Variants in DUSP18 observed in about 807,000 individuals in gnomAD.
DUSP18 encodes the protein dual specificity protein phosphatase 18.
A neutral mutation model predicts 6.3 loss-of-function variants in DUSP18; 4 were observed. The ratio of observed to expected loss-of-function variants is 0.63; its 90% CI spans 0.31 to 1.45. DUSP18 has a LOEUF of 1.45. Among genes scored for constraint, DUSP18 ranks in the 40% most tolerant of loss-of-function variants. The probability of loss-of-function intolerance (pLI) is 0.07; values close to 1 mark genes in which losing one functional copy is unlikely to be tolerated. For missense variants in DUSP18, 235 were observed against 247.7 expected, an observed-to-expected ratio of 0.95 and a Z score of 0.34; for synonymous variants, 96 against 95.1, an observed-to-expected ratio of 1.01 and a Z score of -0.05.
In DUSP18 at chr22:30,653,467, G is replaced by A. The variant is rs1314744752; in HGVS notation, c.*34-1170C>T. On this transcript the variant is annotated intron_variant, in intron 2 of 2. Coordinates refer to the DUSP18 transcript ENST00000404885. ...GCTCACTGCAACCTCCGCCTCCTGG[G>A]TTCAAGCGATTCTCCTGCCTCAGCC... Among the ~76,000 whole-genome samples the A allele has an allele frequency of 2.0e-5, 3 of 151,952 alleles. No homozygotes were observed. In the East Asian group the frequency reaches 5.8e-4, roughly 29 times the overall value.
chr22:30,667,771 C>G lies in DUSP18; in HGVS notation c.-387G>C, dbSNP rs1255579174. The G allele has an allele frequency of 6.5e-6, 1 of 152,788 alleles. No individual in the cohort carries two copies. The highest frequency in any genetic ancestry group is 2.4e-5 in the African/African-American group (1 of 41,382). 9.5% of individuals were successfully genotyped at this position (152,788 alleles called of 1,614,324 possible). A position where few individuals can be genotyped will look rare whatever the true frequency, so the allele number is the denominator to read the frequency against. Reference sequence around the variant, plus strand: ...GAAGCAGGGTCAGCTCAGCTCACCGCACCCCACTCCATCCAGCCCTGCCCA... The same window carrying G: ...GAAGCAGGGTCAGCTCAGCTCACCGGACCCCACTCCATCCAGCCCTGCCCA... On this transcript the variant is annotated 5_prime_UTR_variant, in exon 1 of 2. Transcript: ENST00000334679.
downstream of DUSP18, among the ~76,000 whole-genome samples, chr22:30,661,100 CAA>C (rs779600333): frequency 6.6e-6 from 1 of 152,094 alleles, no homozygotes; most frequent in Non-Finnish European, 1.5e-5. Context: ...CTCGGCCTCC[CAA>C]AGTGTTGGGA....
At chr22:30,654,731 T>C in intron 2 of DUSP18, 1 of 293,948 alleles carries the variant, frequency 3.4e-6, no homozygotes, top group East Asian at 1.1e-4. Flanking sequence ...ACCACCACCT[T>C]CCGGCCTGCT....
At chr22:30,664,225 A>G in intron 1 of DUSP18, 145 bp from the exon 2 acceptor site, 1 of 566,754 alleles carries the variant, frequency 1.8e-6, no homozygotes, top group South Asian at 2.2e-5. Context: ...AAACTCATTT[A>G]AAGTACAGAT....
chr22:30,657,276 A>C (rs9609034), downstream of DUSP18, among the ~76,000 whole-genome samples: 21 of 14,180 alleles, frequency 1.5e-3, no homozygotes, highest in East Asian at 0.05. Context: ...CTCTACTAAA[A>C]ACACACACAC....
At chr22:30,660,013 T>C (rs937141777), downstream of DUSP18, among the ~76,000 whole-genome samples, 5 of 152,138 alleles carry the variant, frequency 3.3e-5, no homozygotes, top group Non-Finnish European at 7.4e-5. Flanking sequence ...GAAAACAGGG[T>C]CCTCTACCCT....
chr22:30,659,884 A>G (rs1431864714), downstream of DUSP18, among the ~76,000 whole-genome samples: 1 of 152,208 alleles, frequency 6.6e-6, no homozygotes, highest in African/African-American at 2.4e-5. Flanking sequence ...CAGAAGGAAA[A>G]GTTAGAAGTA....
At chr22:30,665,002 G>C (rs1357327272) in intron 1 of DUSP18, 1 of 152,762 alleles carries the variant, frequency 6.5e-6, no homozygotes. Context: ...TAGAGGTTCA[G>C]CCGCAGATCT....
downstream of DUSP18, chr22:30,661,438 CTTTT>C (rs1013948541): frequency 1.2e-3 from 144 of 117,784 alleles, no homozygotes; most frequent in African/African-American, 3.6e-3. Flanking sequence ...TTTTTCTTTT[CTTTT>C]TCTTTTTTTT....
intron 2 of DUSP18, chr22:30,652,347 G>A (rs904378944): frequency 6.6e-6 from 1 of 152,344 alleles, no homozygotes; most frequent in African/African-American, 2.4e-5. Flanking sequence ...GGGAAGGTCA[G>A]AATCTTGCAG....
intron 2 of DUSP18, among the ~76,000 whole-genome samples, chr22:30,653,031 T>C (rs1447757330): frequency 6.6e-6 from 1 of 151,962 alleles, no homozygotes. Flanking sequence ...AGCCTGGGAG[T>C]ATTCTGTTCT....
At chr22:30,653,484 G>C (rs1050933547) in intron 2 of DUSP18, among the ~76,000 whole-genome samples, 2 of 151,526 alleles carry the variant, frequency 1.3e-5, no homozygotes, top group South Asian at 2.1e-4. Flanking sequence ...CGATTCTCCT[G>C]CCTCAGCCTC....
downstream of DUSP18, among the ~76,000 whole-genome samples, chr22:30,656,950 A>G (rs2088349778): frequency 6.6e-6 from 1 of 152,090 alleles, no homozygotes. Flanking sequence ...CCCCATCTCT[A>G]TTTTGTATAA....
intron 1 of DUSP18, 108 bp downstream of exon 1, chr22:30,667,354 C>T (rs2088712447): frequency 6.6e-6 from 1 of 152,186 alleles, no homozygotes; most frequent in Non-Finnish European, 1.5e-5. Flanking sequence ...CAAGAGTTAA[C>T]GAGAGCGAAG....
At chr22:30,665,696 A>G (rs1006620429) in intron 1 of DUSP18, 9 of 342,566 alleles carry the variant, frequency 2.6e-5, no homozygotes, top group South Asian at 2.1e-4. Flanking sequence ...GATCTGTCTG[A>G]TTATTTGATT....
downstream of DUSP18, among the ~76,000 whole-genome samples, chr22:30,657,906 A>AAATAATAATAAT (rs56297954): frequency 7.7e-6 from 1 of 129,960 alleles, no homozygotes; most frequent in Non-Finnish European, 1.6e-5. Flanking sequence ...TCTGTCTCAA[A>AAATAATAATAAT]AATAATAATA....
At chr22:30,665,579 T>A (rs1569074332) in intron 1 of DUSP18, 1 of 470,162 alleles carries the variant, frequency 2.1e-6, no homozygotes. Context: ...TTAAGGGAAA[T>A]CTCCTTAGAT....
chr22:30,653,778 G>A (rs1336996970), intron 2 of DUSP18: 3 of 152,092 alleles, frequency 2.0e-5, no homozygotes, highest in Admixed American at 1.3e-4. Flanking sequence ...ACCCTTGTTA[G>A]GCTGGAGCCC....
chr22:30,663,296 G>C lies in DUSP18; in HGVS notation c.*141C>G. ...ATGGATTATAAAGTTAAAAGCTACA[G>C]CAACTCTTTTTTGTGCTCATAAAAG... On this transcript the variant is annotated 3_prime_UTR_variant, in exon 2 of 2. Coordinates refer to ENST00000334679, the MANE Select transcript of DUSP18 (RefSeq NM_152511.5). 1 of 800,488 alleles carries C rather than the reference G, an allele frequency of 1.2e-6. No homozygotes were observed. Among genetic ancestry groups the C allele is most frequent in the Non-Finnish European group, 1.9e-6 (1 of 515,676 alleles). 49.6% of individuals were successfully genotyped at this position (800,488 alleles called of 1,614,324 possible).
Sources: allele counts gnomAD v4.1 joint callset (sites outside exome capture counted in the v4.1 genomes callset), GRCh38; gene constraint gnomAD v4.1.1; transcripts MANE v1.5; gene names NCBI Gene and HGNC (gene_info 2026-07-23, HGNC 2026-07-21).